Variants in ATP2B2 observed in about 807,000 individuals in gnomAD.
ATP2B2 encodes the protein ATPase plasma membrane Ca2+ transporting 2.
Under a neutral mutation model 120.0 loss-of-function variants are expected in ATP2B2, and 15 were observed. The ratio of observed to expected loss-of-function variants is 0.12; its 90% CI spans 0.08 to 0.19. The LOEUF is 0.19. Among genes scored for constraint, ATP2B2 ranks in the 10% least tolerant of loss-of-function variants. ATP2B2 has a pLI of 1.00. For synonymous variants in ATP2B2, 694 were observed against 700.3 expected (o/e 0.99, Z 0.14); for missense variants, 1,045 against 1,719.8 (o/e 0.61, Z 6.94).
intron 11 of ATP2B2, among the ~76,000 whole-genome samples, chr3:10,374,337 T>TA (rs1041009756): frequency 2.0e-5 from 3 of 152,144 alleles, no homozygotes; most frequent in African/African-American, 7.2e-5. Context: ...TCAAGAACCT[T>TA]AAAACAGGAA....
In ATP2B2 at chr3:10,635,172, C is replaced by T. The variant is rs1481303656; in HGVS notation, c.-459-15211G>A. 4.6e-5 allele frequency among the ~76,000 whole-genome samples: 7 copies of T among 152,052 alleles called. No homozygotes were observed. Among genetic ancestry groups the T allele is most frequent in the Non-Finnish European group, 5.9e-5 (4 of 68,010 alleles). On this transcript the variant is annotated intron_variant, in intron 1 of 21. Coordinates refer to the ATP2B2 transcript ENST00000646379. The surrounding 1 kb of genome is among the most constrained non-coding windows in gnomAD (Gnocchi z 4.3). Reference sequence around the variant, plus strand: ...AGTGTCACTACTCAGCTCAAGGTTGCCTGAGCTTCCAATTTTCAAGAGAAG... The same window carrying T: ...AGTGTCACTACTCAGCTCAAGGTTGTCTGAGCTTCCAATTTTCAAGAGAAG...
chr3:10,330,402 G>A lies in ATP2B2; in HGVS notation c.3421-1277C>T, dbSNP rs143807672. 8.3e-3 allele frequency: 1,270 copies of A among 153,034 alleles called. 12 individuals are homozygous for A. The highest frequency in any genetic ancestry group is 0.011 in the Non-Finnish European group (778 of 68,230). The allele number at this position is 153,034 out of a possible 1,614,324, so 9.5% of individuals were successfully genotyped here. A position where few individuals can be genotyped will look rare whatever the true frequency, so the allele number is the denominator to read the frequency against. On this transcript the variant is annotated intron_variant, in intron 22 of 22. Transcript: ENST00000360273. ...TGCAGAGGGACGGGACCCTCACTTG[G>A]AAGAGAGGTGTCCCTTCTCTGGACT...
intron 6 of ATP2B2, among the ~76,000 whole-genome samples, chr3:10,387,359 C>T (rs536499429): frequency 6.6e-6 from 1 of 152,194 alleles, no homozygotes; most frequent in South Asian, 2.1e-4. Flanking sequence ...CCTGATTAGC[C>T]TCTGAGAGCT....
In ATP2B2 at chr3:10,447,586, T is replaced by A. The variant is rs1286566324; in HGVS notation, c.199+1759A>T. ...TGAGAGACATTTAAGAATTCCTGAT[T>A]TGAGGCAATCTCCCAGTCCCCAATC... is the stretch of plus-strand genomic sequence containing the variant. On this transcript the variant is annotated intron_variant, in intron 2 of 22. Coordinates refer to ENST00000360273, the MANE Select transcript of ATP2B2 (RefSeq NM_001001331.4). Among the ~76,000 whole-genome samples the A allele has an allele frequency of 3.3e-5, 5 of 152,314 alleles. No homozygotes were observed. The East Asian group carries it at 9.6e-4, about 29-fold the overall frequency.
intron 12 of ATP2B2, among the ~76,000 whole-genome samples, 199 bp downstream of exon 12, chr3:10,371,610 G>A (rs1322736145): frequency 2.0e-5 from 3 of 152,126 alleles, no homozygotes; most frequent in Non-Finnish European, 4.4e-5. Flanking sequence ...TAACAATAAA[G>A]GTTTCTTTGT....
At chr3:10,549,118 G>A (rs532033556) in intron 2 of ATP2B2, among the ~76,000 whole-genome samples, 3 of 152,300 alleles carry the variant, frequency 2.0e-5, no homozygotes, top group Non-Finnish European at 4.4e-5. Flanking sequence ...TGTGTGACAT[G>A]GGTGAGTGAC....
At chr3:10,554,964 G>A (rs1366858460) in intron 2 of ATP2B2, among the ~76,000 whole-genome samples, 6 of 152,090 alleles carry the variant, frequency 3.9e-5, no homozygotes, top group Admixed American at 3.3e-4. Flanking sequence ...TCTGCCAGCT[G>A]GCCTGATCAG....
chr3:10,546,950 T>G (rs2067560424), intron 2 of ATP2B2, among the ~76,000 whole-genome samples: 1 of 151,898 alleles, frequency 6.6e-6, no homozygotes, highest in Non-Finnish European at 1.5e-5. Context: ...CCTCTCTGAG[T>G]CAAAAATAGA....
intron 1 of ATP2B2, among the ~76,000 whole-genome samples, chr3:10,690,408 G>C (rs978656802): frequency 4.0e-5 from 6 of 151,294 alleles, no homozygotes; most frequent in Admixed American, 2.6e-4. Context: ...CTAACATATA[G>C]AAAAAAACAG....
At chr3:10,545,489 T>G (rs2067525265) in intron 2 of ATP2B2, among the ~76,000 whole-genome samples, 1 of 151,518 alleles carries the variant, frequency 6.6e-6, no homozygotes, top group South Asian at 2.1e-4. Flanking sequence ...AGATCGTGCC[T>G]TTGCACTCCA....
intron 1 of ATP2B2, among the ~76,000 whole-genome samples, chr3:10,661,654 C>T (rs1171763248): frequency 4.6e-5 from 7 of 152,234 alleles, no homozygotes; most frequent in East Asian, 1.9e-4. Context: ...GAATCAATAT[C>T]GTGAAAATGG....
At chr3:10,680,393 C>T (rs1200873147) in intron 1 of ATP2B2, among the ~76,000 whole-genome samples, 2 of 152,150 alleles carry the variant, frequency 1.3e-5, no homozygotes, top group African/African-American at 4.8e-5. Context: ...ATGTCTGTCT[C>T]TGTGGGAGCG....
intron 2 of ATP2B2, among the ~76,000 whole-genome samples, chr3:10,579,979 C>T (rs75349823): frequency 0.023 from 3,495 of 152,272 alleles, 68 homozygotes; most frequent in Admixed American, 0.041. Flanking sequence ...TCTGAGCACC[C>T]TGGTCACAGA....
At chr3:10,615,060 T>C (rs2069347097) in intron 2 of ATP2B2, among the ~76,000 whole-genome samples, 1 of 152,126 alleles carries the variant, frequency 6.6e-6, no homozygotes, top group Admixed American at 6.5e-5. Context: ...AAGCTGAGCA[T>C]CACTTGGACA....
At chr3:10,560,328 C>T (rs141085668) in intron 2 of ATP2B2, among the ~76,000 whole-genome samples, 3 of 152,276 alleles carry the variant, frequency 2.0e-5, no homozygotes, top group Non-Finnish European at 4.4e-5. Flanking sequence ...CCTCCCAGGA[C>T]GGATGGAGCT....
intron 1 of ATP2B2, among the ~76,000 whole-genome samples, chr3:10,496,176 C>T (rs917521878): frequency 2.6e-5 from 4 of 152,214 alleles, no homozygotes; most frequent in Non-Finnish European, 5.9e-5. Context: ...AGCTCTTAAT[C>T]TGCTGCCTTC....
At chr3:10,468,173 T>A (rs1057222373) in intron 1 of ATP2B2, among the ~76,000 whole-genome samples, 2 of 152,214 alleles carry the variant, frequency 1.3e-5, no homozygotes, top group African/African-American at 4.8e-5. Context: ...CTGCCCAGTG[T>A]CCATGTGGGC....
intron 1 of ATP2B2, among the ~76,000 whole-genome samples, chr3:10,457,179 TGA>T (rs2064295337): frequency 6.6e-6 from 1 of 151,852 alleles, no homozygotes; most frequent in African/African-American, 2.4e-5. Flanking sequence ...TAGACCAGTG[TGA>T]GTGTGCATGG....
At chr3:10,508,906 A>G (rs1328182915), upstream of ATP2B2, among the ~76,000 whole-genome samples, 1 of 152,140 alleles carries the variant, frequency 6.6e-6, no homozygotes, top group Non-Finnish European at 1.5e-5. Context: ...TATGGTGGAC[A>G]CCGATTGAGA....
Sources: allele counts gnomAD v4.1 joint callset (sites outside exome capture counted in the v4.1 genomes callset), GRCh38; gene constraint gnomAD v4.1.1; non-coding constraint Gnocchi (gnomAD v3.1); transcripts MANE v1.5; gene names NCBI Gene and HGNC (gene_info 2026-07-23, HGNC 2026-07-21).